HMX1: variants seen among roughly 807,000 people sequenced by gnomAD.
HMX1 encodes homeobox protein HMX1.
HMX1 carries 8 observed loss-of-function variants against 8.9 expected under a neutral mutation model. The observed-to-expected ratio is 0.90, with a 90% CI of 0.53 to 1.63. The LOEUF is 1.63. Among genes scored for constraint, HMX1 ranks in the 40% most tolerant of loss-of-function variants. The pLI, the probability that HMX1 is intolerant of heterozygous loss-of-function variation, is 0.00. For missense variants in HMX1, 621 were observed against 558.5 expected, an observed-to-expected ratio of 1.11 and a Z score of -1.13; for synonymous variants, 311 against 283.4, an observed-to-expected ratio of 1.10 and a Z score of -0.98.
Position 8,851,905 on chromosome 4 carries a change from G to C in HMX1, c.395-5581C>G, listed in dbSNP as rs571637869. 2.6e-5 allele frequency among the ~76,000 whole-genome samples: 4 copies of C among 152,364 alleles called. No homozygotes were observed. In the South Asian group the frequency reaches 6.2e-4, roughly 24 times the overall value. ...CGCTCATGCCCCGAGGCCAGGCAGC[G>C]GGCTGGAGACAGCTCCAGGCAGAGA... On this transcript the variant is annotated intron_variant, in intron 1 of 1. Coordinates refer to the HMX1 transcript ENST00000506970.
chr4:8,853,492 G>A lies in HMX1; in HGVS notation c.395-7168C>T, dbSNP rs1721517290. Among the ~76,000 whole-genome samples the A allele has an allele frequency of 6.6e-6, 1 of 152,174 alleles. No individual in the cohort carries two copies. Among genetic ancestry groups the A allele is most frequent in the Non-Finnish European group, 1.5e-5 (1 of 68,032 alleles). On this transcript the variant is annotated intron_variant, in intron 1 of 1. Transcript: ENST00000506970. This position sits in a 1 kb window ranked among gnomAD's most constrained non-coding sequence, Gnocchi z 4.7. ...ACCGGGCTGAGCTGCAAGGGAGGCTGGGAAATGTAGTCTTTAGCTAAGTGC... is the reference window on the plus strand; with the variant it reads ...ACCGGGCTGAGCTGCAAGGGAGGCTAGGAAATGTAGTCTTTAGCTAAGTGC...
chr4:8,865,004 G>T (rs931558182), downstream of HMX1, among the ~76,000 whole-genome samples: 1 of 152,194 alleles, frequency 6.6e-6, no homozygotes, highest in Non-Finnish European at 1.5e-5. Context: ...CTTGGTGACC[G>T]GTTCCATGGT....
At chr4:8,862,924 C>T (rs1200538324), downstream of HMX1, among the ~76,000 whole-genome samples, 1 of 152,182 alleles carries the variant, frequency 6.6e-6, no homozygotes, top group Non-Finnish European at 1.5e-5. Flanking sequence ...GCTGTCCCCT[C>T]TCCGGCCCAC....
At chr4:8,859,993 G>A (rs1046610952) in intron 1 of HMX1, among the ~76,000 whole-genome samples, 6 of 152,378 alleles carry the variant, frequency 3.9e-5, no homozygotes, top group African/African-American at 1.2e-4. Flanking sequence ...GGGAGTGGAG[G>A]GCTTAGGTCC....
chr4:8,871,422 G>T lies in HMX1; in HGVS notation c.193C>A (p.Leu65Ile), dbSNP rs1447898650. 4 of 1,305,726 alleles carry T rather than the reference G, an allele frequency of 3.1e-6. No individual in the cohort carries two copies. The highest frequency in any genetic ancestry group is 3.9e-6 in the Non-Finnish European group (4 of 1,014,310). 80.9% of individuals were successfully genotyped at this position (1,305,726 alleles called of 1,614,324 possible). ...EDAEQARRRR[L>I]QRRRQLLAGT... ...GCGAGCAACTGTCGCCGCCGCTGTA[G>T]CCGTCGCCGCCGCGCCTGCTCGGCG... Residue 65 changes from leucine to isoleucine, a missense_variant, in exon 1 of 2, where the codon CTA becomes ATA. Transcript: ENST00000400677. This position sits in a 1 kb window ranked among gnomAD's most constrained non-coding sequence, Gnocchi z 4.8.
intron 1 of HMX1, among the ~76,000 whole-genome samples, chr4:8,850,293 T>C (rs544210748): frequency 3.9e-5 from 6 of 152,268 alleles, no homozygotes; most frequent in South Asian, 2.1e-4. Context: ...CTCTGCACAG[T>C]GTGGGAGTCC....
chr4:8,861,424 G>A (rs1320579856), intron 1 of HMX1, among the ~76,000 whole-genome samples: 1 of 152,184 alleles, frequency 6.6e-6, no homozygotes, highest in Non-Finnish European at 1.5e-5. Flanking sequence ...CCCCGACCCC[G>A]ACTCGGGCCG....
At chr4:8,862,858 C>T (rs1016564093), downstream of HMX1, among the ~76,000 whole-genome samples, 6 of 152,218 alleles carry the variant, frequency 3.9e-5, no homozygotes, top group African/African-American at 7.2e-5. Flanking sequence ...TCTCGGCGCC[C>T]GATCCTGTGT....
In HMX1 at chr4:8,868,901, C is replaced by T. The variant is rs1722120875; in HGVS notation, c.395-556G>A. Reference sequence around the variant, plus strand: ...ACAGGCCTCTTCCCGCGCCCTCTGCCCGCTTGCACAGAAACATTCCATAGT... The same window carrying T: ...ACAGGCCTCTTCCCGCGCCCTCTGCTCGCTTGCACAGAAACATTCCATAGT... On this transcript the variant is annotated intron_variant, in intron 1 of 1. Transcript: ENST00000400677. The surrounding 1 kb of genome is among the most constrained non-coding windows in gnomAD (Gnocchi z 4.6). Among the ~76,000 whole-genome samples the T allele has an allele frequency of 6.6e-6, 1 of 152,116 alleles. No homozygotes were observed. Among genetic ancestry groups the T allele is most frequent in the South Asian group, 2.1e-4 (1 of 4,824 alleles).
chr4:8,865,626 G>A (rs188533789), downstream of HMX1, among the ~76,000 whole-genome samples: 81 of 152,256 alleles, frequency 5.3e-4, no homozygotes, highest in Non-Finnish European at 6.6e-4. Context: ...CTGAGTCAGG[G>A]GTGCGAGGTC....
rs2109477560 is a variant in HMX1 at position 8,871,376 on chromosome 4, T to C, written c.239A>G (p.Glu80Gly). ...QLLAGTGPGG[E>G]ARARALLGPG... Reference sequence around the variant, plus strand: ...CCCGAGCAGCGCACGGGCCCGCGCCTCCCCGCCGGGCCCGGTGCCCGCGAG... The same window carrying C: ...CCCGAGCAGCGCACGGGCCCGCGCCCCCCCGCCGGGCCCGGTGCCCGCGAG... Residue 80 changes from glutamate (E) to glycine (G), a missense_variant, in exon 1 of 2, where the codon GAG (glutamate) becomes GGG (glycine). By Grantham distance (98) the Glu-to-Gly change is moderately conservative. Coordinates refer to ENST00000400677, the MANE Select transcript of HMX1 (RefSeq NM_018942.3). This position sits in a 1 kb window ranked among gnomAD's most constrained non-coding sequence, Gnocchi z 4.8. 2.4e-6 allele frequency: 3 copies of C among 1,236,856 alleles called. No homozygotes were observed. Among genetic ancestry groups the C allele is most frequent in the South Asian group, 2.5e-5 (1 of 39,428 alleles). 76.6% of individuals were successfully genotyped at this position (1,236,856 alleles called of 1,614,324 possible). A position where few individuals can be genotyped will look rare whatever the true frequency, so the allele number is the denominator to read the frequency against.
intron 1 of HMX1, among the ~76,000 whole-genome samples, chr4:8,852,729 G>A (rs1577192661): frequency 6.6e-6 from 1 of 152,208 alleles, no homozygotes; most frequent in African/African-American, 2.4e-5. Flanking sequence ...TCCCCTCTGT[G>A]CAGGGCTTCC....
chr4:8,869,948 C>A (rs926948517), intron 1 of HMX1, among the ~76,000 whole-genome samples: 21 of 152,186 alleles, frequency 1.4e-4, no homozygotes, highest in Non-Finnish European at 2.2e-4. Flanking sequence ...TAGACAGAGT[C>A]GCTCGATTTC....
chr4:8,871,110 G>A lies in HMX1; in HGVS notation c.394+111C>T. The A allele has an allele frequency of 2.6e-6, 3 of 1,132,794 alleles. No individual in the cohort carries two copies. Among genetic ancestry groups the A allele is most frequent in the South Asian group, 4.6e-5 (2 of 43,820 alleles). The allele number at this position is 1,132,794 out of a possible 1,614,324, so 70.2% of individuals were successfully genotyped here. The stretch of plus-strand genomic sequence containing the variant: ...AAGGCCCAGACGCCGTTCCACAGAA[G>A]GGAGAGGATGGCCCAGAACGGGCGG... On this transcript the variant is annotated intron_variant, in intron 1 of 1. Transcript: ENST00000400677. This position sits in a 1 kb window ranked among gnomAD's most constrained non-coding sequence, Gnocchi z 4.8.
downstream of HMX1, among the ~76,000 whole-genome samples, chr4:8,862,459 C>A (rs1443757459): frequency 2.6e-5 from 4 of 152,218 alleles, no homozygotes; most frequent in Non-Finnish European, 5.9e-5. Flanking sequence ...CACCCCTATC[C>A]CACAGTTCTT....
In HMX1 at chr4:8,867,861, T is replaced by C. The variant is rs13303225; in HGVS notation, c.879A>G (p.Ala293=). The C allele has an allele frequency of 0.91, 1,128,438 of 1,242,644 alleles. 512,873 individuals carry two copies. Among genetic ancestry groups the C allele is most frequent in the East Asian group, 0.98 (30,626 of 31,406 alleles). The allele number at this position is 1,242,644 out of a possible 1,614,324, so 77.0% of individuals were successfully genotyped here. ...PVLYHESPPA[A]AAAGPPATLP... Reference sequence around the variant, plus strand: ...GGGTGGCCGGGGGCCCAGCGGCGGCTGCGGCCGGGGGGCTTTCGTGGTAGA... The same window carrying C: ...GGGTGGCCGGGGGCCCAGCGGCGGCCGCGGCCGGGGGGCTTTCGTGGTAGA... Residue 293 remains alanine, a synonymous_variant, in exon 2 of 2, where the codon GCA becomes GCG. Coordinates refer to ENST00000400677, the MANE Select transcript of HMX1 (RefSeq NM_018942.3).
rs1055071015 is a variant in HMX1, at chr4:8,848,463, C to A, written c.395-2139G>T. Reference sequence around the variant, plus strand: ...GCGGAAATTTTATGATTGTTTTTTACTCATCTAGGCAGAGTACTTGGAATG... The same window carrying A: ...GCGGAAATTTTATGATTGTTTTTTAATCATCTAGGCAGAGTACTTGGAATG... On this transcript the variant is annotated intron_variant, in intron 1 of 1. Coordinates refer to the HMX1 transcript ENST00000506970. This position sits in a 1 kb window ranked among gnomAD's most constrained non-coding sequence, Gnocchi z 4.1. Among the ~76,000 whole-genome samples the A allele has an allele frequency of 2.6e-5, 4 of 152,134 alleles. No homozygotes were observed. The highest frequency in any genetic ancestry group is 9.7e-5 in the African/African-American group (4 of 41,432).
downstream of HMX1, among the ~76,000 whole-genome samples, chr4:8,865,431 T>C (rs1052284409): frequency 6.6e-6 from 1 of 152,074 alleles, no homozygotes; most frequent in African/African-American, 2.4e-5. Context: ...ACACAGTGCC[T>C]GGACCTCAAA....
rs1018115586 is a variant in HMX1 at position 8,848,532 on chromosome 4, C to T, written c.395-2208G>A. 2.0e-5 allele frequency among the ~76,000 whole-genome samples: 3 copies of T among 152,172 alleles called. No homozygotes were observed. The highest frequency in any genetic ancestry group is 4.4e-5 in the Non-Finnish European group (3 of 68,036). ...GTTTTACAAATAGGAAACCTGAGGCCAGAGAAGGCAAGTAAGTTGCCTGGG... is the reference window on the plus strand; with the variant it reads ...GTTTTACAAATAGGAAACCTGAGGCTAGAGAAGGCAAGTAAGTTGCCTGGG... On this transcript the variant is annotated intron_variant, in intron 1 of 1. Transcript: ENST00000506970. This position sits in a 1 kb window ranked among gnomAD's most constrained non-coding sequence, Gnocchi z 4.1.
Sources: gnomAD v4.1 joint callset for allele counts (sites outside exome capture counted in the v4.1 genomes callset) on GRCh38, gnomAD v4.1.1 for gene constraint, Gnocchi (gnomAD v3.1) non-coding constraint, MANE v1.5 for transcripts, NCBI Gene and HGNC (gene_info 2026-07-23, HGNC 2026-07-21) for gene names.